Variants in ZNF415 observed in about 807,000 individuals in gnomAD.
The protein encoded by ZNF415 is zinc finger protein 415.
In ZNF415, 5 loss-of-function variants were observed where a neutral mutation model predicts 7.3. The observed-to-expected ratio is 0.69, with a 90% CI of 0.36 to 1.44. ZNF415 has a LOEUF of 1.44. Ranked by LOEUF, ZNF415 falls within the 40% of genes most tolerant of loss-of-function variation. The pLI is 0.04. For missense variants in ZNF415, 628 were observed against 664.8 expected, an observed-to-expected ratio of 0.94 and a Z score of 0.61; for synonymous variants, 207 against 226.3, an observed-to-expected ratio of 0.91 and a Z score of 0.77.
chr19:53,120,911 C>CTGACCTACA, intron 2 of ZNF415, among the ~76,000 whole-genome samples: 2 of 151,462 alleles, frequency 1.3e-5, no homozygotes, highest in East Asian at 3.9e-4. Flanking sequence ...CGGTGAAACC[C>CTGACCTACA]CGTCTCTACT....
chr19:53,115,858 T>C, intron 3 of ZNF415: 2 of 1,439,894 alleles, frequency 1.4e-6, no homozygotes, highest in Non-Finnish European at 1.9e-6. Flanking sequence ...TGGAACATGA[T>C]GTGCTGTGGC....
At chr19:53,128,472 T>C (rs985388539) in intron 1 of ZNF415, among the ~76,000 whole-genome samples, 1 of 138,594 alleles carries the variant, frequency 7.2e-6, no homozygotes, top group East Asian at 2.1e-4. Flanking sequence ...GAGTGCCTCC[T>C]TCATGGCCCG....
intron 2 of ZNF415, among the ~76,000 whole-genome samples, chr19:53,120,059 A>G (rs2087738054): frequency 1.3e-5 from 2 of 151,984 alleles, no homozygotes; most frequent in South Asian, 4.1e-4. Flanking sequence ...CCCGATATCA[A>G]ACCAGAAAAG....
chr19:53,122,320 G>A, intron 2 of ZNF415: 1 of 1,345,816 alleles, frequency 7.4e-7, no homozygotes, highest in Non-Finnish European at 1.0e-6. Context: ...CTATTCCTGG[G>A]CTACGGAGAG....
rs1368349210 is a variant in ZNF415 at position 53,108,119 on chromosome 19, A to T, written c.*258T>A. On this transcript the variant is annotated 3_prime_UTR_variant, in exon 4 of 4. Transcript: ENST00000243643. ...GATGTCTAGTGAGTTGTGAGACCTA[A>T]ATGAAGCCTCTGCCACACAGTTAGG... is the stretch of plus-strand genomic sequence containing the variant. 8.7e-6 allele frequency: 4 copies of T among 459,140 alleles called. No individual in the cohort carries two copies. Among genetic ancestry groups the T allele is most frequent in the Non-Finnish European group, 1.5e-5 (4 of 262,694 alleles). The allele number at this position is 459,140 out of a possible 1,614,324, so 28.4% of individuals were successfully genotyped here.
At position 53,109,908 on chromosome 19, in the gene ZNF415, T is replaced by G; in HGVS notation, c.137A>C (p.Asp46Ala). ...LENYRNLVSLDLSRNCVIKEL... is the reference protein window; with the variant it reads ...LENYRNLVSLALSRNCVIKEL... Reference sequence around the variant, plus strand: ...CTTGATTACACAGTTACGAGACAGATCTATAAGAAATGAAAACCATAGGTT... The same window carrying G: ...CTTGATTACACAGTTACGAGACAGAGCTATAAGAAATGAAAACCATAGGTT... Residue 46 changes from aspartate to alanine, a missense_variant and splice_region_variant, in exon 4 of 4, where the codon GAT (aspartate) becomes GCT (alanine). Coordinates refer to ENST00000243643, the MANE Select transcript of ZNF415 (RefSeq NM_018355.4). 1 of 1,557,776 alleles carries G rather than the reference T, an allele frequency of 6.4e-7. No homozygotes were observed. Among genetic ancestry groups the G allele is most frequent in the South Asian group, 1.2e-5 (1 of 81,410 alleles).
rs2146202349 is a variant in ZNF415, at chr19:53,109,418, T to A, written c.627A>T (p.Ser209=). The change falls in exon 4 of 4, where the codon TCA becomes TCT. Residue 209 remains serine, a synonymous_variant. Transcript: ENST00000243643. ...ATCTGTAAGGTTTTTCCCTAATGCA[T>A]GATTTCTGTTCTTGTGTGAGTAATG... ...CSSLLTQEQK[S]CIREKPYRYI... is the part of the protein sequence containing the mutation. The A allele has an allele frequency of 6.2e-7, 1 of 1,614,166 alleles. No homozygotes were observed. Among genetic ancestry groups the A allele is most frequent in the East Asian group, 2.2e-5 (1 of 44,888 alleles).
At chr19:53,114,565 C>T (rs12985137) in intron 3 of ZNF415, among the ~76,000 whole-genome samples, 88,370 of 151,936 alleles carry the variant, frequency 0.58, 25,937 homozygotes, top group East Asian at 0.73. Flanking sequence ...GTGAGACCAA[C>T]GGAAAAGAGA....
rs942153953 is a variant in ZNF415 at position 53,113,575 on chromosome 19, G to A, written c.136+2738C>T. ...AGTGTAAAGCAAAAAAAGAACAAAC[G>A]AAAAAAAACCAAGGCATCATTCAGC... On this transcript the variant is annotated intron_variant, in intron 3 of 3. Coordinates refer to ENST00000243643, the MANE Select transcript of ZNF415 (RefSeq NM_018355.4). Among the ~76,000 whole-genome samples, 6 of 145,718 alleles carry A rather than the reference G, an allele frequency of 4.1e-5. No individual in the cohort carries two copies. The South Asian group carries it at 1.3e-3, about 31-fold the overall frequency.
chr19:53,113,851 G>A (rs1173879937), intron 3 of ZNF415, among the ~76,000 whole-genome samples: 5 of 152,294 alleles, frequency 3.3e-5, no homozygotes, highest in South Asian at 4.1e-4. Context: ...TGTGTCCAGC[G>A]CTGTCACAGT....
At chr19:53,126,750 A>C in intron 1 of ZNF415, among the ~76,000 whole-genome samples, 1 of 117,716 alleles carries the variant, frequency 8.5e-6, no homozygotes, top group Admixed American at 9.6e-5. Flanking sequence ...CCATTAGCTC[A>C]CCCCATTCTA....
In ZNF415 at chr19:53,109,059, G is replaced by C; in HGVS notation, c.986C>G (p.Thr329Arg). ...QKTHIGEKPY[T>R]CKECGKAFSV... ...AAAGGCTTTGCCACACTCTTTACAT[G>C]TGTAAGGTTTCTCTCCAATATGAGT... The change falls in exon 4 of 4, where the codon ACA becomes AGA. Residue 329 changes from threonine (T) to arginine (R), a missense_variant. Transcript: ENST00000243643. The C allele has an allele frequency of 6.2e-7, 1 of 1,612,948 alleles. No homozygotes were observed. Among genetic ancestry groups the C allele is most frequent in the Non-Finnish European group, 8.5e-7 (1 of 1,179,228 alleles).
intron 1 of ZNF415, among the ~76,000 whole-genome samples, chr19:53,130,076 AAAAAAG>A (rs1286751231): frequency 6.6e-6 from 1 of 152,028 alleles, no homozygotes; most frequent in African/African-American, 2.4e-5. Context: ...CAAAAAAAAA[AAAAAAG>A]AAAAGAAAAA....
intron 1 of ZNF415, among the ~76,000 whole-genome samples, chr19:53,127,859 G>C (rs2089441966): frequency 7.0e-6 from 1 of 143,400 alleles, no homozygotes; most frequent in South Asian, 2.2e-4. Flanking sequence ...CCTGCCAACA[G>C]AGCGAGACAC....
intron 2 of ZNF415, chr19:53,122,300 G>A: frequency 8.8e-7 from 1 of 1,138,978 alleles, no homozygotes; most frequent in Non-Finnish European, 1.2e-6. Context: ...GACTTCCATG[G>A]GCAGCTTCTC....
chr19:53,128,379 G>C (rs896071223), intron 1 of ZNF415, among the ~76,000 whole-genome samples: 13 of 146,394 alleles, frequency 8.9e-5, no homozygotes, highest in Admixed American at 6.3e-4. Context: ...AAAAAGAGAG[G>C]CCCCAGATCT....
chr19:53,107,961 G>T lies in ZNF415; in HGVS notation c.*416C>A, dbSNP rs566960133. On this transcript the variant is annotated 3_prime_UTR_variant, in exon 4 of 4. Transcript: ENST00000243643. ...TTTGGGCTTGCATTTGTTCTACAAT[G>T]TGTAATATGAAAAGTTTATCAGCAC... 6 of 172,276 alleles carry T rather than the reference G, an allele frequency of 3.5e-5. No individual in the cohort carries two copies. The highest frequency in any genetic ancestry group is 1.2e-4 in the African/African-American group (5 of 41,990). The allele number at this position is 172,276 out of a possible 1,614,324, so 10.7% of individuals were successfully genotyped here. A position where few individuals can be genotyped will look rare whatever the true frequency, so the allele number is the denominator to read the frequency against.
At chr19:53,129,013 TAGAG>T (rs1346095625) in intron 1 of ZNF415, among the ~76,000 whole-genome samples, 4 of 151,326 alleles carry the variant, frequency 2.6e-5, no homozygotes, top group Non-Finnish European at 4.4e-5. Flanking sequence ...AATAATGTGA[TAGAG>T]AGTGACGGGC....
At chr19:53,114,989 G>T (rs1393336001) in intron 3 of ZNF415, among the ~76,000 whole-genome samples, 1 of 152,076 alleles carries the variant, frequency 6.6e-6, no homozygotes, top group Admixed American at 6.6e-5. Flanking sequence ...GACTGTGGAG[G>T]CCTCCCCTCT....
Sources: gnomAD v4.1 joint callset for allele counts (sites outside exome capture counted in the v4.1 genomes callset) on GRCh38, gnomAD v4.1.1 for gene constraint, MANE v1.5 for transcripts, NCBI Gene and HGNC (gene_info 2026-07-23, HGNC 2026-07-21) for gene names.